SIMC1: variants seen among roughly 807,000 people sequenced by gnomAD.
SIMC1 encodes the protein SUMO interacting motifs containing 1.
Under a neutral mutation model 82.3 loss-of-function variants are expected in SIMC1, and 55 were observed. The ratio of observed to expected loss-of-function variants is 0.67; its 90% confidence interval spans 0.54 to 0.84. The LOEUF (loss-of-function observed/expected upper bound fraction) is 0.84, where lower values mean the gene tolerates loss of function less well. Ranked by LOEUF, SIMC1 falls within the 40% of genes least tolerant of loss-of-function variation. SIMC1 has a pLI of 0.00. For missense variants in SIMC1, 915 were observed against 1,107.2 expected, an observed-to-expected ratio of 0.83 and a Z score of 2.46; for synonymous variants, 353 against 426.3, an observed-to-expected ratio of 0.83 and a Z score of 2.12.
rs1337610751 is a variant in SIMC1, at chr5:176,295,064, G to A, written c.1466G>A (p.Arg489Gln). The change falls in exon 3 of 10, where the codon CGA becomes CAA. Residue 489 changes from arginine (R) to glutamine (Q), a missense_variant. Coordinates refer to ENST00000429602, the MANE Select transcript of SIMC1 (RefSeq NM_001308195.2). Reference protein sequence around the residue: ...KGQKLEPIPHRRLRMVTNTIE... With the variant: ...KGQKLEPIPHQRLRMVTNTIE... ...CAAAAATTAGAACCCATCCCTCATCGAAGACTAAGAATGGTAACAAATACC... is the reference window on the plus strand; with the variant it reads ...CAAAAATTAGAACCCATCCCTCATCAAAGACTAAGAATGGTAACAAATACC... 1.9e-6 allele frequency: 3 copies of A among 1,610,712 alleles called. No individual in the cohort carries two copies. Among genetic ancestry groups the A allele is most frequent in the Non-Finnish European group, 2.5e-6 (3 of 1,179,130 alleles).
chr5:176,337,531 T>A (rs1346386243), intron 9 of SIMC1, among the ~76,000 whole-genome samples: 1 of 152,012 alleles, frequency 6.6e-6, no homozygotes, highest in African/African-American at 2.4e-5. Context: ...GAGGCAGAGG[T>A]TGCAGTGAGC....
intron 2 of SIMC1, among the ~76,000 whole-genome samples, chr5:176,291,330 A>ATTTTTTTTTTT (rs70991527): frequency 1.4e-5 from 1 of 71,610 alleles, no homozygotes; most frequent in Non-Finnish European, 2.6e-5. Flanking sequence ...TGCCCGGCTA[A>ATTTTTTTTTTT]TTTTTTTTTT....
chr5:176,328,609 C>T (rs542539362), intron 7 of SIMC1, among the ~76,000 whole-genome samples: 29 of 151,844 alleles, frequency 1.9e-4, no homozygotes, highest in Non-Finnish European at 2.9e-4. Context: ...ACAAGTTTAG[C>T]GTTCCAATAA....
chr5:176,289,681 A>G lies in SIMC1; in HGVS notation c.157A>G (p.Arg53Gly). Residue 53 changes from arginine (R) to glycine (G), a missense_variant, in exon 2 of 10, where the codon AGA becomes GGA. Around this residue, in one of 2 missense-constraint regions of SIMC1, gnomAD observed 902 missense variants for 1,040.3 expected, o/e 0.87. Coordinates refer to ENST00000429602, the MANE Select transcript of SIMC1 (RefSeq NM_001308195.2). ...CTTCATTGACTTAACTAGAGAGACCAGACCAAGGACAAAAGATCGCAGTGG... is the reference window on the plus strand; with the variant it reads ...CTTCATTGACTTAACTAGAGAGACCGGACCAAGGACAAAAGATCGCAGTGG... ...VDFIDLTRET[R>G]PRTKDRSGLY... 2.5e-6 allele frequency: 4 copies of G among 1,610,080 alleles called. No homozygotes were observed. The highest frequency in any genetic ancestry group is 3.4e-6 in the Non-Finnish European group (4 of 1,178,114).
intron 1 of SIMC1, among the ~76,000 whole-genome samples, chr5:176,260,646 G>C (rs1471837134): frequency 6.6e-6 from 1 of 152,058 alleles, no homozygotes; most frequent in Non-Finnish European, 1.5e-5. Flanking sequence ...GTTCCTTGCA[G>C]TGGAATTTTG....
chr5:176,316,348 C>T (rs1326280866), intron 5 of SIMC1, among the ~76,000 whole-genome samples: 7 of 151,698 alleles, frequency 4.6e-5, no homozygotes, highest in African/African-American at 7.3e-5. Context: ...TCTCACTGTA[C>T]GGGGTATGAC....
At chr5:176,318,844 C>T (rs954698479) in intron 5 of SIMC1, among the ~76,000 whole-genome samples, 1 of 152,152 alleles carries the variant, frequency 6.6e-6, no homozygotes, top group African/African-American at 2.4e-5. Context: ...TGGTGGCTCA[C>T]GCCTGTAGTC....
In SIMC1 at chr5:176,289,685, C is replaced by G. The variant is rs2113256476; in HGVS notation, c.161C>G (p.Pro54Arg). The G allele has an allele frequency of 6.2e-7, 1 of 1,610,424 alleles. No individual in the cohort carries two copies. The highest frequency in any genetic ancestry group is 2.2e-5 in the East Asian group (1 of 44,848). Residue 54 changes from proline (P) to arginine (R), a missense_variant, in exon 2 of 10, where the codon CCA becomes CGA. By Grantham distance (103) the Pro-to-Arg change is moderately radical (BLOSUM62 -2). Transcript: ENST00000429602. ...ATTGACTTAACTAGAGAGACCAGAC[C>G]AAGGACAAAAGATCGCAGTGGACTG... Reference protein sequence around the residue: ...DFIDLTRETRPRTKDRSGLYV... With the variant: ...DFIDLTRETRRRTKDRSGLYV...
Position 176,290,826 on chromosome 5 carries a change from C to T in SIMC1, c.1302C>T (p.His434=), listed in dbSNP as rs550354484. The T allele has an allele frequency of 4.3e-6, 7 of 1,613,460 alleles. No homozygotes were observed. The highest frequency in any genetic ancestry group is 2.2e-5 in the East Asian group (1 of 44,878). Reference sequence around the variant, plus strand: ...AGCCTGCCAAACCTGGGTCTGCCCACGTACAATCACGAACACCACAAGGTG... The same window carrying T: ...AGCCTGCCAAACCTGGGTCTGCCCATGTACAATCACGAACACCACAAGGTG... ...LSEPAKPGSA[H]VQSRTPQGGL... Residue 434 remains histidine, a synonymous_variant, in exon 2 of 10, where the codon CAC becomes CAT. Transcript: ENST00000429602.
At chr5:176,283,739 A>G (rs1455632364) in intron 1 of SIMC1, among the ~76,000 whole-genome samples, 1 of 152,222 alleles carries the variant, frequency 6.6e-6, no homozygotes, top group East Asian at 1.9e-4. Context: ...CAAATTGAAT[A>G]AAGAGTCAAG....
At chr5:176,324,847 A>G (rs1316184138) in intron 7 of SIMC1, 90 bp downstream of exon 7, 8 of 1,408,762 alleles carry the variant, frequency 5.7e-6, no homozygotes, top group East Asian at 2.5e-5. Context: ...TAACTTTTCT[A>G]TCTATGCTAC....
chr5:176,307,942 T>A, intron 4 of SIMC1: 1 of 563,718 alleles, frequency 1.8e-6, no homozygotes, highest in Non-Finnish European at 3.2e-6. Context: ...CATTCAAATG[T>A]TCAAAGCAGT....
chr5:176,308,531 T>C (rs1764525811), intron 4 of SIMC1: 1 of 1,604,566 alleles, frequency 6.2e-7, no homozygotes, highest in Non-Finnish European at 8.5e-7. Flanking sequence ...TTTTTTCCTG[T>C]TTCATAGAAG....
intron 1 of SIMC1, among the ~76,000 whole-genome samples, chr5:176,283,045 T>C (rs1042923555): frequency 6.6e-6 from 1 of 152,220 alleles, no homozygotes; most frequent in Non-Finnish European, 1.5e-5. Flanking sequence ...AATCTGCGTC[T>C]CATTGGTGTA....
At position 176,262,765 on chromosome 5, in the gene SIMC1, A is replaced by G. The variant is rs574930087; in HGVS notation, c.129+24128A>G. 2.1e-3 allele frequency among the ~76,000 whole-genome samples: 315 copies of G among 152,322 alleles called. 4 individuals are homozygous for G. Among genetic ancestry groups the G allele is most frequent in the East Asian group, 3.9e-4 (2 of 5,180 alleles). On this transcript the variant is annotated intron_variant, in intron 1 of 9. Transcript: ENST00000429602. ...GGTTGCAATGAGCCGAGATTGCACC[A>G]CTGCGCCCCAGCCTGGGTGACAGAG...
intron 6 of SIMC1, among the ~76,000 whole-genome samples, chr5:176,324,050 A>G (rs1431395355): frequency 6.6e-6 from 1 of 150,924 alleles, no homozygotes. Flanking sequence ...GGCCAGGCTC[A>G]CCTTTCTGAG....
intron 5 of SIMC1, among the ~76,000 whole-genome samples, chr5:176,316,034 G>T (rs1340082922): frequency 1.3e-5 from 2 of 151,878 alleles, no homozygotes; most frequent in Admixed American, 6.6e-5. Flanking sequence ...AATTAGCCAG[G>T]CATGGTGGCA....
intron 1 of SIMC1, among the ~76,000 whole-genome samples, chr5:176,264,944 A>G (rs1438472816): frequency 6.6e-6 from 1 of 152,188 alleles, no homozygotes; most frequent in Non-Finnish European, 1.5e-5. Context: ...CAAGGAGGGA[A>G]GATTGCTTGG....
intron 1 of SIMC1, among the ~76,000 whole-genome samples, chr5:176,252,824 T>C (rs74757059): frequency 0.73 from 111,615 of 152,054 alleles, 41,133 homozygotes; most frequent in Middle Eastern, 0.84. Flanking sequence ...GCTGAGATCA[T>C]GCCACTGCAC....
Sources: gnomAD v4.1 joint callset for allele counts (sites outside exome capture counted in the v4.1 genomes callset) on GRCh38, gnomAD v4.1.1 for gene constraint, gnomAD v4.1.1 regional missense constraint, MANE v1.5 for transcripts, NCBI Gene and HGNC (gene_info 2026-07-23, HGNC 2026-07-21) for gene names.